The following DOCK8 variants were observed in gnomAD, a reference collection of about 807,000 sequenced individuals.
DOCK8 encodes the protein dedicator of cytokinesis 8.
In DOCK8, 141 loss-of-function variants were observed where a neutral mutation model predicts 245.6. The observed-to-expected ratio is 0.57, with a 90% confidence interval of 0.50 to 0.66. DOCK8 has a LOEUF of 0.66. DOCK8 is among the 30% of genes least tolerant of loss of function. DOCK8 has a pLI of 0.00. For missense variants in DOCK8, 2,965 were observed against 2,603.4 expected, an observed-to-expected ratio of 1.14 and a Z score of -3.02; for synonymous variants, 1,168 against 970.2, an observed-to-expected ratio of 1.20 and a Z score of -3.79.
chr9:334,997 C>A (rs142832310), intron 11 of DOCK8, among the ~76,000 whole-genome samples: 2,045 of 152,102 alleles, frequency 0.013, 49 homozygotes, highest in African/African-American at 0.048. Flanking sequence ...GCAGGAGAAT[C>A]GCTTGAACCA....
At chr9:251,118 T>C (rs1171812359) in intron 1 of DOCK8, among the ~76,000 whole-genome samples, 1 of 152,196 alleles carries the variant, frequency 6.6e-6, no homozygotes, top group Admixed American at 6.5e-5. Flanking sequence ...AAAACATGAA[T>C]GCAATTTCTG....
intron 4 of DOCK8, among the ~76,000 whole-genome samples, chr9:294,168 T>C (rs1029018282): frequency 6.6e-6 from 1 of 152,218 alleles, no homozygotes; most frequent in Non-Finnish European, 1.5e-5. Flanking sequence ...ATTCAAAGGG[T>C]GAAGGAATGT....
chr9:247,458 G>T (rs902794970), intron 1 of DOCK8, among the ~76,000 whole-genome samples: 2 of 152,012 alleles, frequency 1.3e-5, no homozygotes, highest in African/African-American at 2.4e-5. Flanking sequence ...ATTCAAACTA[G>T]TTTTTTTTAA....
At chr9:291,525 T>A (rs2049038256) in intron 4 of DOCK8, among the ~76,000 whole-genome samples, 1 of 152,180 alleles carries the variant, frequency 6.6e-6, no homozygotes, top group South Asian at 2.1e-4. Context: ...TCTCTTCCTT[T>A]GCTATTAAAT....
In DOCK8 at chr9:301,965, A is replaced by G. The variant is rs1252583470; in HGVS notation, c.405-2616A>G. On this transcript the variant is annotated intron_variant, in intron 4 of 47. Coordinates refer to ENST00000432829, the MANE Select transcript of DOCK8 (RefSeq NM_203447.4). Reference sequence around the variant, plus strand: ...ACTGCTATTCCTATCTTAATTAGCAACATCATTTTTTCACAGAATTTAAAA... The same window carrying G: ...ACTGCTATTCCTATCTTAATTAGCAGCATCATTTTTTCACAGAATTTAAAA... 4.6e-5 allele frequency among the ~76,000 whole-genome samples: 7 copies of G among 152,084 alleles called. No individual in the cohort carries two copies. In the East Asian group the frequency reaches 9.6e-4, roughly 21 times the overall value.
intron 1 of DOCK8, among the ~76,000 whole-genome samples, chr9:260,762 G>A (rs551719825): frequency 1.6e-4 from 24 of 152,282 alleles, no homozygotes; most frequent in Non-Finnish European, 2.4e-4. Flanking sequence ...GAATTATTAT[G>A]TATTTATCTA....
intron 35 of DOCK8, among the ~76,000 whole-genome samples, chr9:428,908 C>G (rs1341330091): frequency 6.6e-6 from 1 of 152,192 alleles, no homozygotes; most frequent in Non-Finnish European, 1.5e-5. Flanking sequence ...ATGAATTTCT[C>G]ACGGCCTGAG....
intron 21 of DOCK8, chr9:380,866 G>A (rs1158355052): frequency 4.4e-5 from 7 of 158,866 alleles, no homozygotes; most frequent in African/African-American, 1.2e-4. Flanking sequence ...AGGAGGCTGA[G>A]ATGGCAGGAT....
intron 46 of DOCK8, among the ~76,000 whole-genome samples, chr9:461,769 T>A: frequency 6.6e-6 from 1 of 151,914 alleles, no homozygotes; most frequent in Admixed American, 6.6e-5. Context: ...CTTTAACTTG[T>A]GAGCTCAGGC....
At chr9:267,186 T>C (rs2048054642) in intron 1 of DOCK8, among the ~76,000 whole-genome samples, 1 of 152,224 alleles carries the variant, frequency 6.6e-6, no homozygotes, top group East Asian at 1.9e-4. Flanking sequence ...CACACTATTT[T>C]ATATGTATGC....
Position 339,018 on chromosome 9 carries a change from C to T in DOCK8, c.1435C>T (p.Leu479Phe). 13 of 1,614,012 alleles carry T rather than the reference C, an allele frequency of 8.1e-6. No homozygotes were observed. The highest frequency in any genetic ancestry group is 1.1e-5 in the Non-Finnish European group (13 of 1,179,936). The change falls in exon 13 of 48, where the codon CTT becomes TTT. Residue 479 changes from leucine to phenylalanine, a missense_variant. Transcript: ENST00000432829. The stretch of plus-strand genomic sequence containing the variant: ...TTTCTCTTGGCAGGAAGGAGATCGC[C>T]TTAGCGATGAAGACTTATTCAAGTT... ...SSFFKQEGDR[L>F]SDEDLFKFLA...
intron 1 of DOCK8, among the ~76,000 whole-genome samples, chr9:230,903 G>T (rs200393779): frequency 7.2e-5 from 11 of 151,910 alleles, no homozygotes; most frequent in East Asian, 1.9e-4. Flanking sequence ...CTCTTTAGTT[G>T]AATTAGATCC....
At chr9:263,467 C>T (rs1055558330) in intron 1 of DOCK8, among the ~76,000 whole-genome samples, 1 of 152,102 alleles carries the variant, frequency 6.6e-6, no homozygotes, top group Non-Finnish European at 1.5e-5. Context: ...ATATTTTAAA[C>T]TTCACATTAT....
rs762085208 is a variant in DOCK8 at position 374,453 on chromosome 9, G to GTTTT, written c.2110-1735_2110-1732dup. Reference sequence around the variant, plus strand: ...TATTACTTTCACATGGTCCTTTTGTGTTTTTTTTTTTTTTTTTTTTTTTTT... The same window carrying GTTTT: ...TATTACTTTCACATGGTCCTTTTGTGTTTTTTTTTTTTTTTTTTTTTTTTTTTTT... On this transcript the variant is annotated intron_variant, in intron 18 of 47. Coordinates refer to ENST00000432829, the MANE Select transcript of DOCK8 (RefSeq NM_203447.4). Among the ~76,000 whole-genome samples, 168 of 75,332 alleles carry GTTTT rather than the reference G, an allele frequency of 2.2e-3. 1 individual carries two copies. Among genetic ancestry groups the GTTTT allele is most frequent in the African/African-American group, 2.5e-3 (45 of 18,306 alleles). The allele number at this position is 75,332 out of a possible 152,430, so 49.4% of individuals were successfully genotyped here. A position where few individuals can be genotyped will look rare whatever the true frequency, so the allele number is the denominator to read the frequency against.
At chr9:372,122 A>G in intron 17 of DOCK8, 63 bp from the exon 18 acceptor site, 1 of 1,427,730 alleles carries the variant, frequency 7.0e-7, no homozygotes, top group Non-Finnish European at 9.8e-7. Flanking sequence ...TGCGAGCTAG[A>G]TAAATTATCA....
chr9:258,193 A>G (rs557784606), intron 1 of DOCK8, among the ~76,000 whole-genome samples: 108 of 152,372 alleles, frequency 7.1e-4, no homozygotes, highest in Non-Finnish European at 1.2e-3. Context: ...TCACAACTGC[A>G]ATCAGCTTGA....
At chr9:387,703 G>C (rs140712366) in intron 23 of DOCK8, among the ~76,000 whole-genome samples, 33 of 152,180 alleles carry the variant, frequency 2.2e-4, no homozygotes, top group African/African-American at 7.9e-4. Context: ...AAGGAAAAGT[G>C]AAAAAAGATA....
At chr9:462,601 C>G (rs763417187) in intron 46 of DOCK8, among the ~76,000 whole-genome samples, 5 of 152,234 alleles carry the variant, frequency 3.3e-5, no homozygotes, top group Non-Finnish European at 7.3e-5. Context: ...GACCTATACA[C>G]AGTCCTAAAA....
At chr9:219,869 C>T (rs939587299) in intron 1 of DOCK8, among the ~76,000 whole-genome samples, 2 of 152,072 alleles carry the variant, frequency 1.3e-5, no homozygotes, top group Non-Finnish European at 2.9e-5. Context: ...TGCACTGCAG[C>T]CTGAGTGACA....
Sources: allele counts gnomAD v4.1 joint callset (sites outside exome capture counted in the v4.1 genomes callset), GRCh38; gene constraint gnomAD v4.1.1; transcripts MANE v1.5; gene names NCBI Gene and HGNC (gene_info 2026-07-23, HGNC 2026-07-21).